The following PKIG variants were observed in gnomAD, a reference collection of about 807,000 sequenced individuals.
PKIG encodes the protein cAMP-dependent protein kinase inhibitor gamma.
In PKIG, 1 loss-of-function variant was observed where a neutral mutation model predicts 6.8. The observed-to-expected ratio is 0.15, with a 90% confidence interval of 0.05 to 0.69. The LOEUF is 0.69. PKIG is among the 30% of genes least tolerant of loss of function. The probability of loss-of-function intolerance (pLI) is 0.82; values close to 1 mark genes in which losing one functional copy is unlikely to be tolerated. For synonymous variants in PKIG, 39 were observed against 43.0 expected, an observed-to-expected ratio of 0.91 and a Z score of 0.36; for missense variants, 77 against 104.0, an observed-to-expected ratio of 0.74 and a Z score of 1.13.
intron 1 of PKIG, among the ~76,000 whole-genome samples, chr20:44,548,201 G>A (rs1484298380): frequency 6.6e-6 from 1 of 151,968 alleles, no homozygotes; most frequent in Non-Finnish European, 1.5e-5. Flanking sequence ...CCCAAAAAAG[G>A]TAGCATCTTA....
At chr20:44,611,148 G>A (rs1452752140) in intron 2 of PKIG, among the ~76,000 whole-genome samples, 3 of 150,532 alleles carry the variant, frequency 2.0e-5, no homozygotes, top group Non-Finnish European at 1.5e-5. Context: ...TCCGCCTCAT[G>A]GGTTCAAGAG....
chr20:44,567,298 A>G (rs183790754), intron 1 of PKIG, among the ~76,000 whole-genome samples: 117 of 152,246 alleles, frequency 7.7e-4, no homozygotes, highest in African/African-American at 2.6e-3. Flanking sequence ...GATATCCTGC[A>G]AGGTCAGCCC....
rs144891472 is a variant in PKIG at position 44,593,776 on chromosome 20, T to G, written c.-24+3910T>G. ...AAGTATTCTCGTCACAAAAAGTAACTGTGTGAGGTGGTGGATATGTTAATT... is the reference window on the plus strand; with the variant it reads ...AAGTATTCTCGTCACAAAAAGTAACGGTGTGAGGTGGTGGATATGTTAATT... On this transcript the variant is annotated intron_variant, in intron 2 of 3. Coordinates refer to ENST00000372886, the MANE Select transcript of PKIG (RefSeq NM_001281445.2). Among the ~76,000 whole-genome samples, 472 of 152,330 alleles carry G rather than the reference T, an allele frequency of 3.1e-3. 4 individuals carry two copies. The highest frequency in any genetic ancestry group is 0.011 in the African/African-American group (457 of 41,564).
At chr20:44,549,679 A>G (rs1191557135) in intron 1 of PKIG, among the ~76,000 whole-genome samples, 1 of 152,156 alleles carries the variant, frequency 6.6e-6, no homozygotes, top group Non-Finnish European at 1.5e-5. Context: ...GGAAAAAAAT[A>G]GCTGACATGG....
chr20:44,558,598 C>A (rs573685951), intron 1 of PKIG, among the ~76,000 whole-genome samples: 1 of 148,340 alleles, frequency 6.7e-6, no homozygotes, highest in Non-Finnish European at 1.5e-5. Context: ...TTCTTTCTTT[C>A]TTTCTTTCTT....
intron 2 of PKIG, chr20:44,599,017 G>A (rs2065097893): frequency 6.6e-6 from 1 of 152,222 alleles, no homozygotes; most frequent in South Asian, 2.1e-4. Flanking sequence ...AAAAGATTCT[G>A]AAGGTTTGTA....
chr20:44,566,277 G>A (rs2064809947), intron 1 of PKIG, among the ~76,000 whole-genome samples: 1 of 152,128 alleles, frequency 6.6e-6, no homozygotes, highest in Non-Finnish European at 1.5e-5. Context: ...GAGTTGAGTA[G>A]TTACCACAGA....
upstream of PKIG, among the ~76,000 whole-genome samples, chr20:44,577,978 C>T (rs2064913481): frequency 6.6e-6 from 1 of 151,994 alleles, no homozygotes; most frequent in Non-Finnish European, 1.5e-5. Context: ...GGCGTGATCC[C>T]CTCCCTGCTG....
intron 1 of PKIG, among the ~76,000 whole-genome samples, chr20:44,537,950 CAA>C (rs1262480347): frequency 6.6e-6 from 1 of 151,962 alleles, no homozygotes; most frequent in African/African-American, 2.4e-5. Context: ...ATAAATGAAA[CAA>C]AAATAATTCA....
intron 1 of PKIG, among the ~76,000 whole-genome samples, chr20:44,544,064 CAAA>C (rs543416378): frequency 2.3e-4 from 17 of 72,696 alleles, no homozygotes; most frequent in Non-Finnish European, 1.5e-4. Flanking sequence ...AACTCCGCCT[CAAA>C]AAAAAAAAAA....
chr20:44,568,692 A>G (rs1467255654), intron 1 of PKIG, among the ~76,000 whole-genome samples: 1 of 151,180 alleles, frequency 6.6e-6, no homozygotes, highest in Non-Finnish European at 1.5e-5. Flanking sequence ...CTTGTGATCC[A>G]CCTGCCTCAG....
At position 44,614,506 on chromosome 20, in the gene PKIG, T is replaced by C. The variant is rs749553886; in HGVS notation, c.-23-28T>C. The C allele has an allele frequency of 5.1e-6, 8 of 1,583,740 alleles. No homozygotes were observed. Among genetic ancestry groups the C allele is most frequent in the Non-Finnish European group, 6.9e-6 (8 of 1,156,274 alleles). On this transcript the variant is annotated intron_variant, in intron 2 of 3. Coordinates refer to ENST00000372886, the MANE Select transcript of PKIG (RefSeq NM_001281445.2). This position sits in a 1 kb window ranked among gnomAD's most constrained non-coding sequence, Gnocchi z 4.6. ...TCTGCAGAATGCATCTGGACTTACC[T>C]CTGCCCCCTTGCCTTCTGTCCCCAC... is the stretch of plus-strand genomic sequence containing the variant.
intron 1 of PKIG, chr20:44,532,123 G>C (rs941391173): frequency 3.3e-5 from 5 of 152,232 alleles, no homozygotes; most frequent in Admixed American, 2.6e-4. Flanking sequence ...CGCCGGGGAC[G>C]GCGCCCCCGA....
chr20:44,570,684 T>C (rs1387375867), intron 1 of PKIG, among the ~76,000 whole-genome samples: 1 of 152,126 alleles, frequency 6.6e-6, no homozygotes, highest in African/African-American at 2.4e-5. Flanking sequence ...GCCCCTCATC[T>C]CATAGAACTG....
At chr20:44,545,780 A>G (rs1465280796) in intron 1 of PKIG, among the ~76,000 whole-genome samples, 2 of 152,138 alleles carry the variant, frequency 1.3e-5, no homozygotes, top group African/African-American at 4.8e-5. Flanking sequence ...ACGCCACTGT[A>G]CTTACTCCAG....
chr20:44,556,145 C>A (rs951684047), intron 1 of PKIG, among the ~76,000 whole-genome samples: 1 of 151,822 alleles, frequency 6.6e-6, no homozygotes, highest in East Asian at 2.0e-4. Flanking sequence ...AGCCTAGAGA[C>A]CTAATTTAAA....
intron 1 of PKIG, among the ~76,000 whole-genome samples, chr20:44,561,286 G>A (rs775535915): frequency 4.6e-5 from 7 of 152,096 alleles, no homozygotes; most frequent in Admixed American, 1.3e-4. Context: ...GCAGTGAGCC[G>A]AGATCGCACC....
chr20:44,616,507 T>C (rs1315628273), intron 3 of PKIG, among the ~76,000 whole-genome samples: 1 of 152,186 alleles, frequency 6.6e-6, no homozygotes, highest in African/African-American at 2.4e-5. Flanking sequence ...GTTCTGTCTC[T>C]CTCTCCCTCA....
chr20:44,536,243 G>A (rs2064511183), intron 1 of PKIG, among the ~76,000 whole-genome samples: 1 of 152,040 alleles, frequency 6.6e-6, no homozygotes, highest in South Asian at 2.1e-4. Flanking sequence ...CCATCTTTTG[G>A]CTATTGTGAA....
Sources: gnomAD v4.1 joint callset for allele counts (sites outside exome capture counted in the v4.1 genomes callset) on GRCh38, gnomAD v4.1.1 for gene constraint, Gnocchi (gnomAD v3.1) non-coding constraint, MANE v1.5 for transcripts, NCBI Gene and HGNC (gene_info 2026-07-23, HGNC 2026-07-21) for gene names.